Variants in SPATS2 observed in about 807,000 individuals in gnomAD.
SPATS2 encodes the protein spermatogenesis-associated serine-rich protein 2.
SPATS2 carries 38 observed loss-of-function variants against 63.7 expected under a neutral mutation model. The observed-to-expected ratio is 0.60, with a 90% CI of 0.46 to 0.78. The LOEUF (loss-of-function observed/expected upper bound fraction) is 0.78, where lower values mean the gene tolerates loss of function less well. SPATS2 is among the 30% of genes least tolerant of loss of function. The pLI is 0.00. For synonymous variants in SPATS2, 207 were observed against 232.9 expected (o/e 0.89, Z 1.01); for missense variants, 588 against 666.2 (o/e 0.88, Z 1.29).
chr12:49,419,908 CAA>C (rs1944950449), intron 2 of SPATS2, among the ~76,000 whole-genome samples: 1 of 152,072 alleles, frequency 6.6e-6, no homozygotes, highest in African/African-American at 2.4e-5. Flanking sequence ...GTGCAATTAA[CAA>C]AAGTAGTTCA....
rs1947001881 is a variant in SPATS2 at position 49,524,683 on chromosome 12, G to A, written c.1113G>A (p.Val371=). The change falls in exon 13 of 14, where the codon GTG becomes GTA. Residue 371 remains valine (V), a splice_region_variant and synonymous_variant. Coordinates refer to ENST00000552918, the MANE Select transcript of SPATS2 (RefSeq NM_023071.4). ...LKKSIDSFGQ[V]SHPKNSYSTR... Reference sequence around the variant, plus strand: ...ATATTCCTCATATTTCTGTTTCAGTGTCTCATCCAAAGAACAGCTATTCGA... The same window carrying A: ...ATATTCCTCATATTTCTGTTTCAGTATCTCATCCAAAGAACAGCTATTCGA... 1 of 1,614,068 alleles carries A rather than the reference G, an allele frequency of 6.2e-7. No homozygotes were observed. Among genetic ancestry groups the A allele is most frequent in the African/African-American group, 1.3e-5 (1 of 75,016 alleles).
intron 13 of SPATS2, among the ~76,000 whole-genome samples, chr12:49,525,468 C>T (rs749043678): frequency 4.6e-5 from 7 of 152,136 alleles, no homozygotes; most frequent in Admixed American, 2.0e-4. Flanking sequence ...GTAAGCTTTC[C>T]GGATTATAAT....
chr12:49,468,447 A>C (rs1945970026), intron 3 of SPATS2, among the ~76,000 whole-genome samples: 1 of 144,870 alleles, frequency 6.9e-6, no homozygotes, highest in Non-Finnish European at 1.5e-5. Flanking sequence ...GGCGTGAACC[A>C]CTGTGCCCGG....
At chr12:49,386,560 C>T (rs1017719781) in intron 2 of SPATS2, among the ~76,000 whole-genome samples, 2 of 152,056 alleles carry the variant, frequency 1.3e-5, no homozygotes, top group Non-Finnish European at 2.9e-5. Flanking sequence ...GTGAATTTAA[C>T]CAGGGAGGGG....
intron 3 of SPATS2, 99 bp from the exon 4 acceptor site, chr12:49,484,491 A>C: frequency 8.8e-7 from 1 of 1,134,188 alleles, no homozygotes; most frequent in Non-Finnish European, 1.3e-6. Context: ...GTTGCTGTTA[A>C]TTGTTTTATG....
At chr12:49,491,694 C>T in intron 6 of SPATS2, among the ~76,000 whole-genome samples, 1 of 152,216 alleles carries the variant, frequency 6.6e-6, no homozygotes, top group African/African-American at 2.4e-5. Flanking sequence ...AACATTTGTG[C>T]CTTAGTTTGC....
rs146960291 is a variant in SPATS2 at position 49,473,696 on chromosome 12, G to A, written c.26-10894G>A. On this transcript the variant is annotated intron_variant, in intron 3 of 13. Transcript: ENST00000552918. ...AAGTAAGTAATGGCATAATCATACCGTGAAATATTATTCAGCAATGAAAAC... is the reference window on the plus strand; with the variant it reads ...AAGTAAGTAATGGCATAATCATACCATGAAATATTATTCAGCAATGAAAAC... Among the ~76,000 whole-genome samples, 127 of 152,272 alleles carry A rather than the reference G, an allele frequency of 8.3e-4. No homozygotes were observed. The South Asian group carries it at 0.023, about 28-fold the overall frequency.
At chr12:49,522,888 G>A (rs761089336) in intron 12 of SPATS2, 35 bp downstream of exon 12, 3 of 1,564,912 alleles carry the variant, frequency 1.9e-6, no homozygotes, top group Non-Finnish European at 2.6e-6. Flanking sequence ...ACTACAGGTG[G>A]TGATTATTAA....
chr12:49,404,034 C>T (rs183574975), intron 2 of SPATS2, among the ~76,000 whole-genome samples: 186 of 152,302 alleles, frequency 1.2e-3, no homozygotes, highest in African/African-American at 4.2e-3. Context: ...TATTTACTAG[C>T]ACCTGCTGTG....
intron 8 of SPATS2, among the ~76,000 whole-genome samples, chr12:49,498,145 A>AAATATATATATATATATAT (rs66900382): frequency 1.7e-4 from 17 of 98,960 alleles, no homozygotes; most frequent in South Asian, 6.9e-4. Flanking sequence ...AAAAAAAAAA[A>AAATATATATATATATATAT]ATATATATAT....
Position 49,522,859 on chromosome 12 carries a change from A to T in SPATS2, c.1111+6A>T. On this transcript the variant is annotated splice_donor_region_variant and intron_variant, in intron 12 of 13. Coordinates refer to ENST00000552918, the MANE Select transcript of SPATS2 (RefSeq NM_023071.4). ...CATTGATTCATTTGGACAAGGTGAG[A>T]TGGTGAGAGGGTCTGGGCACTACAG... 6 of 1,611,570 alleles carry T rather than the reference A, an allele frequency of 3.7e-6. No individual in the cohort carries two copies. The highest frequency in any genetic ancestry group is 5.1e-6 in the Non-Finnish European group (6 of 1,178,086).
chr12:49,521,981 A>G (rs999580900), intron 11 of SPATS2, among the ~76,000 whole-genome samples: 3 of 151,822 alleles, frequency 2.0e-5, no homozygotes, highest in Non-Finnish European at 4.4e-5. Flanking sequence ...AGTTCTTCCA[A>G]ATTATATCTA....
chr12:49,412,739 A>G (rs1944819201), intron 2 of SPATS2, among the ~76,000 whole-genome samples: 1 of 134,126 alleles, frequency 7.5e-6, no homozygotes, highest in African/African-American at 2.7e-5. Flanking sequence ...CAACAGAGTG[A>G]GACGCTCATT....
chr12:49,441,075 A>G (rs1209595772), intron 2 of SPATS2, among the ~76,000 whole-genome samples: 1 of 152,206 alleles, frequency 6.6e-6, no homozygotes, highest in Non-Finnish European at 1.5e-5. Flanking sequence ...TTTGCTATGT[A>G]CAAGCACTAT....
At chr12:49,501,529 A>G (rs1460848314) in intron 9 of SPATS2, among the ~76,000 whole-genome samples, 1 of 152,238 alleles carries the variant, frequency 6.6e-6, no homozygotes, top group Non-Finnish European at 1.5e-5. Flanking sequence ...ATCACATTCA[A>G]ACCATAGCAA....
chr12:49,413,649 C>T (rs1049827194), intron 2 of SPATS2, among the ~76,000 whole-genome samples: 2 of 152,158 alleles, frequency 1.3e-5, no homozygotes, highest in Non-Finnish European at 2.9e-5. Flanking sequence ...TACATTTCAG[C>T]ATTAGTCTCA....
chr12:49,503,219 G>T (rs1489976198), intron 9 of SPATS2, among the ~76,000 whole-genome samples: 5 of 151,944 alleles, frequency 3.3e-5, no homozygotes, highest in Admixed American at 3.3e-4. Context: ...GCGTGGTGGC[G>T]TGCACCTGTA....
chr12:49,455,105 TA>T (rs930596474), intron 2 of SPATS2, among the ~76,000 whole-genome samples: 134 of 152,158 alleles, frequency 8.8e-4, no homozygotes, highest in African/African-American at 3.1e-3. Flanking sequence ...TTTTTTTAAT[TA>T]AAAAAAATTT....
intron 3 of SPATS2, among the ~76,000 whole-genome samples, chr12:49,474,400 T>C (rs913991798): frequency 1.3e-5 from 2 of 152,210 alleles, no homozygotes; most frequent in Non-Finnish European, 2.9e-5. Context: ...TGTAGTGTTA[T>C]GAGAAAGGTC....
Sources: allele counts gnomAD v4.1 joint callset (sites outside exome capture counted in the v4.1 genomes callset), GRCh38; gene constraint gnomAD v4.1.1; transcripts MANE v1.5; gene names NCBI Gene and HGNC (gene_info 2026-07-23, HGNC 2026-07-21).